GRID2: variants seen among roughly 807,000 people sequenced by gnomAD.
GRID2 encodes the protein glutamate ionotropic receptor delta type subunit 2.
A neutral mutation model predicts 114.8 loss-of-function variants in GRID2; 33 were observed. That is an observed-to-expected ratio of 0.29 (90% CI 0.22 to 0.38). GRID2 has a LOEUF of 0.38. Ranked by LOEUF, GRID2 falls within the 10% of genes least tolerant of loss-of-function variation. The pLI, the probability that GRID2 is intolerant of heterozygous loss-of-function variation, is 1.00. For missense variants in GRID2, 1,184 were observed against 1,257.7 expected, an observed-to-expected ratio of 0.94 and a Z score of 0.89; for synonymous variants, 505 against 449.9, an observed-to-expected ratio of 1.12 and a Z score of -1.55.
At chr4:92,761,459 A>G (rs1015906074) in intron 2 of GRID2, among the ~76,000 whole-genome samples, 2 of 152,192 alleles carry the variant, frequency 1.3e-5, no homozygotes, top group Admixed American at 6.5e-5. Context: ...AAAAGACAGG[A>G]TTCATGATGA....
intron 1 of GRID2, among the ~76,000 whole-genome samples, chr4:92,446,754 A>T (rs1425896443): frequency 6.6e-6 from 1 of 152,206 alleles, no homozygotes; most frequent in Admixed American, 6.5e-5. Flanking sequence ...AGCCTGTTCT[A>T]TTGCAACACC....
intron 10 of GRID2, among the ~76,000 whole-genome samples, chr4:93,445,858 T>C (rs957965577): frequency 4.6e-5 from 7 of 152,050 alleles, no homozygotes; most frequent in African/African-American, 1.7e-4. Context: ...AACATAAGCA[T>C]CTACCTTTAC....
chr4:92,593,120 C>G (rs1462797377), intron 2 of GRID2, among the ~76,000 whole-genome samples: 1 of 151,954 alleles, frequency 6.6e-6, no homozygotes, highest in African/African-American at 2.4e-5. Context: ...TATTAGCACT[C>G]CTAATGAATT....
intron 2 of GRID2, among the ~76,000 whole-genome samples, chr4:92,777,944 C>T (rs775733769): frequency 2.6e-5 from 4 of 152,046 alleles, no homozygotes; most frequent in Non-Finnish European, 4.4e-5. Flanking sequence ...GGGACTAATA[C>T]AGGGAGTCCT....
chr4:92,950,305 C>A (rs1421865615), intron 2 of GRID2, among the ~76,000 whole-genome samples: 1 of 152,118 alleles, frequency 6.6e-6, no homozygotes. Context: ...CTCTAACTGA[C>A]AGAGCAATGT....
At chr4:92,574,376 G>A (rs1279710361) in intron 1 of GRID2, among the ~76,000 whole-genome samples, 1 of 147,590 alleles carries the variant, frequency 6.8e-6, no homozygotes, top group Non-Finnish European at 1.5e-5. Context: ...ACATGTTTAT[G>A]TGATTGCTAT....
chr4:93,726,325 T>A (rs1243308386), intron 14 of GRID2, among the ~76,000 whole-genome samples: 6 of 152,216 alleles, frequency 3.9e-5, no homozygotes, highest in Admixed American at 6.5e-5. Flanking sequence ...GAGGGCTCTG[T>A]TCTGTTCCAT....
chr4:92,950,667 T>A (rs1197836283), intron 2 of GRID2, among the ~76,000 whole-genome samples: 3 of 152,210 alleles, frequency 2.0e-5, no homozygotes, highest in Non-Finnish European at 4.4e-5. Flanking sequence ...CAATACATTT[T>A]GTCCTCCAAA....
chr4:93,436,823 T>G (rs892581030), intron 10 of GRID2, among the ~76,000 whole-genome samples: 8 of 152,030 alleles, frequency 5.3e-5, no homozygotes, highest in African/African-American at 1.9e-4. Flanking sequence ...ATAAAAGATA[T>G]GAACTTAGAG....
intron 13 of GRID2, among the ~76,000 whole-genome samples, chr4:93,582,248 G>A (rs763278811): frequency 3.3e-5 from 5 of 152,066 alleles, no homozygotes; most frequent in Non-Finnish European, 7.4e-5. Context: ...CATTTTCAAA[G>A]CCAACAGCAT....
intron 14 of GRID2, among the ~76,000 whole-genome samples, chr4:93,678,378 C>A (rs1725136178): frequency 6.6e-6 from 1 of 152,094 alleles, no homozygotes; most frequent in African/African-American, 2.4e-5. Flanking sequence ...GGACAACTTC[C>A]CCAATCTAGC....
intron 11 of GRID2, among the ~76,000 whole-genome samples, chr4:93,489,571 A>G (rs924632435): frequency 1.3e-5 from 2 of 151,922 alleles, no homozygotes; most frequent in South Asian, 2.1e-4. Flanking sequence ...TCTAGAATGT[A>G]AGTAAATGGG....
In GRID2 at chr4:93,717,564, A is replaced by T. The variant is rs1483089592; in HGVS notation, c.2361-51646A>T. 2.0e-5 allele frequency among the ~76,000 whole-genome samples: 3 copies of T among 152,320 alleles called. No homozygotes were observed. In the East Asian group the frequency reaches 5.8e-4, roughly 29 times the overall value. On this transcript the variant is annotated intron_variant, in intron 14 of 15. Coordinates refer to ENST00000282020, the MANE Select transcript of GRID2 (RefSeq NM_001510.4). Reference sequence around the variant, plus strand: ...TAGTGTTCAAAGAAACTTGCATGGAAAAAAAGCCATTTTCTACTTCCCAGA... The same window carrying T: ...TAGTGTTCAAAGAAACTTGCATGGATAAAAAGCCATTTTCTACTTCCCAGA...
At chr4:92,695,718 A>T (rs1734396156) in intron 2 of GRID2, among the ~76,000 whole-genome samples, 1 of 152,176 alleles carries the variant, frequency 6.6e-6, no homozygotes, top group South Asian at 2.1e-4. Flanking sequence ...TTCATTGGAA[A>T]TGACCAGTGC....
chr4:92,562,310 G>A (rs926315806), intron 1 of GRID2, among the ~76,000 whole-genome samples: 5 of 152,006 alleles, frequency 3.3e-5, no homozygotes, highest in Admixed American at 6.6e-5. Flanking sequence ...TTTTCCCCAA[G>A]GTTAATGGGC....
intron 2 of GRID2, among the ~76,000 whole-genome samples, chr4:92,866,890 T>A (rs533478123): frequency 1.3e-5 from 2 of 152,256 alleles, no homozygotes; most frequent in East Asian, 3.9e-4. Context: ...ACATATTCTC[T>A]GGCATATTTA....
chr4:93,777,136 A>C (rs764810082), downstream of GRID2, among the ~76,000 whole-genome samples: 3 of 152,152 alleles, frequency 2.0e-5, no homozygotes, highest in African/African-American at 7.2e-5. Flanking sequence ...CAACCCACAC[A>C]TACCTCCAGG....
At chr4:93,192,663 C>T (rs1170141594) in intron 4 of GRID2, among the ~76,000 whole-genome samples, 3 of 145,506 alleles carry the variant, frequency 2.1e-5, no homozygotes, top group Non-Finnish European at 4.4e-5. Context: ...AGGAGAATTG[C>T]TTGAACCTGG....
At chr4:93,549,068 A>G (rs182694186) in intron 13 of GRID2, among the ~76,000 whole-genome samples, 5 of 152,198 alleles carry the variant, frequency 3.3e-5, no homozygotes, top group African/African-American at 1.2e-4. Context: ...CAAATCAAAG[A>G]TCAACTAAAA....
Sources: allele counts gnomAD v4.1 joint callset (sites outside exome capture counted in the v4.1 genomes callset), GRCh38; gene constraint gnomAD v4.1.1; transcripts MANE v1.5; gene names NCBI Gene and HGNC (gene_info 2026-07-23, HGNC 2026-07-21).